Variants in SLC1A2 observed in about 807,000 individuals in gnomAD.
SLC1A2 encodes the protein excitatory amino acid transporter 2.
In SLC1A2, 15 loss-of-function variants were observed where a neutral mutation model predicts 48.8. That is an observed-to-expected ratio of 0.31 (90% CI 0.21 to 0.47). The LOEUF (loss-of-function observed/expected upper bound fraction) is 0.47, where lower values mean the gene tolerates loss of function less well. SLC1A2 is among the 20% of genes least tolerant of loss of function. The probability of loss-of-function intolerance (pLI) is 0.99; values close to 1 mark genes in which losing one functional copy is unlikely to be tolerated. For missense variants in SLC1A2, 502 were observed against 730.5 expected (o/e 0.69, Z 3.61); for synonymous variants, 279 against 272.6 (o/e 1.02, Z -0.23).
intron 1 of SLC1A2, among the ~76,000 whole-genome samples, chr11:35,345,215 C>G (rs1030426173): frequency 6.6e-6 from 1 of 152,194 alleles, no homozygotes; most frequent in East Asian, 1.9e-4. Flanking sequence ...CACCTCATAA[C>G]TCTTGCTAAA....
intron 1 of SLC1A2, among the ~76,000 whole-genome samples, chr11:35,417,759 C>T (rs1051670347): frequency 6.6e-6 from 1 of 152,218 alleles, no homozygotes; most frequent in Non-Finnish European, 1.5e-5. Flanking sequence ...GAATGAATTC[C>T]TTCTCCTGGA....
At chr11:35,282,215 C>G (rs917645365) in intron 8 of SLC1A2, among the ~76,000 whole-genome samples, 1 of 152,122 alleles carries the variant, frequency 6.6e-6, no homozygotes, top group Non-Finnish European at 1.5e-5. Context: ...CCCTCCCCGT[C>G]CATGGTGTCA....
chr11:35,366,198 T>C (rs767532062), intron 1 of SLC1A2, among the ~76,000 whole-genome samples: 1 of 152,198 alleles, frequency 6.6e-6, no homozygotes, highest in Non-Finnish European at 1.5e-5. Context: ...ATTACACTTC[T>C]CTATCCCTGA....
chr11:35,259,598 T>C lies in SLC1A2; in HGVS notation c.*1296A>G, dbSNP rs1443378339. ...CTTAAACAAGATTCCATCTGTGAAG[T>C]TGTACAGAGCCATCCTTTGTTGCCA... On this transcript the variant is annotated 3_prime_UTR_variant, in exon 11 of 11. Transcript: ENST00000278379. The C allele has an allele frequency of 6.6e-6, 1 of 152,264 alleles. No homozygotes were observed. Among genetic ancestry groups the C allele is most frequent in the Non-Finnish European group, 1.5e-5 (1 of 68,044 alleles). 9.4% of individuals were successfully genotyped at this position (152,264 alleles called of 1,614,324 possible). A position where few individuals can be genotyped will look rare whatever the true frequency, so the allele number is the denominator to read the frequency against.
rs1398811522 is a variant in SLC1A2, at chr11:35,303,231, C to T, written c.731-1586G>A. On this transcript the variant is annotated intron_variant, in intron 5 of 10. Transcript: ENST00000278379. ...TTTCCCTAGTCATCTAACCCACTAA[C>T]CTCTTTACACCAAGCACATATCAAC... 2.0e-5 allele frequency among the ~76,000 whole-genome samples: 3 copies of T among 152,296 alleles called. No individual in the cohort carries two copies. The East Asian group carries it at 5.8e-4, about 29-fold the overall frequency.
chr11:35,343,959 C>G (rs1852936847), intron 1 of SLC1A2, among the ~76,000 whole-genome samples: 1 of 152,088 alleles, frequency 6.6e-6, no homozygotes, highest in Non-Finnish European at 1.5e-5. Context: ...GTCAGGTGAT[C>G]ATTTCATAGC....
At chr11:35,326,424 T>C (rs1852255150) in intron 1 of SLC1A2, among the ~76,000 whole-genome samples, 2 of 152,182 alleles carry the variant, frequency 1.3e-5, no homozygotes, top group South Asian at 4.1e-4. Flanking sequence ...GCCTTTCCAA[T>C]CAGTCTCCCA....
intron 1 of SLC1A2, among the ~76,000 whole-genome samples, chr11:35,348,962 G>T (rs1853141835): frequency 6.6e-6 from 1 of 151,868 alleles, no homozygotes; most frequent in Admixed American, 6.6e-5. Flanking sequence ...AAAGGAGAAG[G>T]ATGTGTGCTG....
chr11:35,267,530 A>G (rs1008337647), intron 9 of SLC1A2, among the ~76,000 whole-genome samples: 18 of 152,298 alleles, frequency 1.2e-4, no homozygotes, highest in African/African-American at 4.1e-4. Flanking sequence ...TTCTAGGTAG[A>G]TCATCCAAAT....
At chr11:35,315,316 T>G (rs554338814) in intron 2 of SLC1A2, 141 bp from the exon 3 acceptor site, 12 of 580,808 alleles carry the variant, frequency 2.1e-5, no homozygotes, top group African/African-American at 3.7e-5. Flanking sequence ...AAAACAACAT[T>G]AGATAAGTGA....
At chr11:35,403,761 A>G (rs1855199935) in intron 1 of SLC1A2, among the ~76,000 whole-genome samples, 1 of 151,600 alleles carries the variant, frequency 6.6e-6, no homozygotes, top group African/African-American at 2.4e-5. Flanking sequence ...GGCTGCATGC[A>G]TTTATTTATT....
At chr11:35,299,353 C>CTCTCTGTGTGTG in intron 6 of SLC1A2, 2 of 146,976 alleles carry the variant, frequency 1.4e-5, no homozygotes, top group South Asian at 4.4e-4. Context: ...CTCTCTCTCT[C>CTCTCTGTGTGTG]TGTGTGTGTG....
intron 9 of SLC1A2, among the ~76,000 whole-genome samples, chr11:35,273,324 C>T (rs113980715): frequency 3.3e-5 from 5 of 152,256 alleles, no homozygotes; most frequent in African/African-American, 7.2e-5. Context: ...AGGAGATCCA[C>T]GTAAGCATTG....
intron 1 of SLC1A2, among the ~76,000 whole-genome samples, chr11:35,394,570 C>A (rs921449348): frequency 6.6e-6 from 1 of 152,220 alleles, no homozygotes; most frequent in African/African-American, 2.4e-5. Flanking sequence ...AGGCTGACCC[C>A]TTCTGTTTCC....
At chr11:35,398,443 A>T (rs1855038392) in intron 1 of SLC1A2, among the ~76,000 whole-genome samples, 1 of 152,196 alleles carries the variant, frequency 6.6e-6, no homozygotes. Flanking sequence ...TCTCACTCAT[A>T]AGAGAGAGCT....
chr11:35,403,673 A>T (rs528600205), intron 1 of SLC1A2, among the ~76,000 whole-genome samples: 2 of 152,140 alleles, frequency 1.3e-5, no homozygotes, highest in South Asian at 4.1e-4. Context: ...TCCTATGTTT[A>T]TGCCCAAATA....
chr11:35,415,604 A>G (rs985094900), intron 1 of SLC1A2, among the ~76,000 whole-genome samples: 2 of 152,216 alleles, frequency 1.3e-5, no homozygotes, highest in African/African-American at 4.8e-5. Flanking sequence ...CCAAGGGGAG[A>G]AGCAAGAGGA....
At chr11:35,325,997 C>T (rs1055478267) in intron 1 of SLC1A2, among the ~76,000 whole-genome samples, 7 of 150,716 alleles carry the variant, frequency 4.6e-5, no homozygotes, top group Non-Finnish European at 1.0e-4. Context: ...GAGGGAACAC[C>T]TGCATTGGGA....
At chr11:35,267,839 T>C (rs1850146255) in intron 9 of SLC1A2, among the ~76,000 whole-genome samples, 1 of 152,122 alleles carries the variant, frequency 6.6e-6, no homozygotes, top group Non-Finnish European at 1.5e-5. Context: ...CCTAAGCAGA[T>C]AGCTAATAGT....
Sources: gnomAD v4.1 joint callset for allele counts (sites outside exome capture counted in the v4.1 genomes callset) on GRCh38, gnomAD v4.1.1 for gene constraint, MANE v1.5 for transcripts, NCBI Gene and HGNC (gene_info 2026-07-23, HGNC 2026-07-21) for gene names.